The following NLRC5 variants were observed in gnomAD, a reference collection of about 807,000 sequenced individuals.
NLRC5 encodes protein NLRC5.
In NLRC5, 114 loss-of-function variants were observed where a neutral mutation model predicts 206.9. The ratio of observed to expected loss-of-function variants is 0.55; its 90% CI spans 0.47 to 0.64. NLRC5 has a LOEUF of 0.64. Ranked by LOEUF, NLRC5 falls within the 30% of genes least tolerant of loss-of-function variation. The pLI is 0.00. For synonymous variants in NLRC5, 952 were observed against 962.8 expected (o/e 0.99, Z 0.21); for missense variants, 2,008 against 2,305.5 (o/e 0.87, Z 2.64).
chr16:57,010,609 G>A (rs780147398), intron 1 of NLRC5, among the ~76,000 whole-genome samples: 2 of 152,202 alleles, frequency 1.3e-5, no homozygotes, highest in Non-Finnish European at 2.9e-5. Context: ...CTGAGCTCAA[G>A]CTATCCTCCC....
At chr16:57,032,833 C>CA (rs35838664) in intron 11 of NLRC5, among the ~76,000 whole-genome samples, 64,443 of 119,052 alleles carry the variant, frequency 0.54, 16,153 homozygotes, top group Admixed American at 0.64. Context: ...CCCATCTCTA[C>CA]AAAAAAAAAA....
chr16:57,013,723 A>G, intron 1 of NLRC5: 1 of 740,170 alleles, frequency 1.4e-6, no homozygotes, highest in Non-Finnish European at 2.5e-6. Flanking sequence ...GTTGTGCCTG[A>G]TAAAAGTCAA....
intron 30 of NLRC5, among the ~76,000 whole-genome samples, chr16:57,060,435 A>G (rs2066299719): frequency 6.6e-6 from 1 of 151,450 alleles, no homozygotes; most frequent in South Asian, 2.1e-4. Flanking sequence ...ACCACACAGC[A>G]CGCAGCACAC....
At position 57,029,804 on chromosome 16, in the gene NLRC5, G is replaced by A. The variant is rs1597246785; in HGVS notation, c.2275G>A (p.Val759Met). The A allele has an allele frequency of 1.9e-6, 3 of 1,614,190 alleles. No homozygotes were observed. Among genetic ancestry groups the A allele is most frequent in the Non-Finnish European group, 2.5e-6 (3 of 1,180,034 alleles). Residue 759 changes from valine to methionine, a missense_variant, in exon 9 of 49, where the codon GTG becomes ATG. Val to Met is a conservative substitution (Grantham distance 21). Transcript: ENST00000688547. ...GGACAACCAGCTCAGTGACCAGGTG[G>A]TGCTGAACATTGTGGAGGTTCTCCC... is the stretch of plus-strand genomic sequence containing the variant. ...FRDNQLSDQV[V>M]LNIVEVLPHL...
chr16:57,055,636 C>G, intron 27 of NLRC5, 117 bp downstream of exon 27: 1 of 780,112 alleles, frequency 1.3e-6, no homozygotes, highest in Non-Finnish European at 2.2e-6. Context: ...CTACACCTCT[C>G]AGGACCAGCT....
rs4784750 is a variant in NLRC5, at chr16:57,022,152, G to A, written c.296-104G>A. On this transcript the variant is annotated intron_variant, in intron 3 of 48. Transcript: ENST00000688547. Reference sequence around the variant, plus strand: ...GTTCCATTTAGTTCTCCCTTGCTGGGTATCTCCCTGTGAGATGAGCCCTGA... The same window carrying A: ...GTTCCATTTAGTTCTCCCTTGCTGGATATCTCCCTGTGAGATGAGCCCTGA... The A allele has an allele frequency of 3.7e-5, 31 of 838,758 alleles. No homozygotes were observed. In the East Asian group the frequency reaches 4.6e-4, roughly 13 times the overall value. 52.0% of individuals were successfully genotyped at this position (838,758 alleles called of 1,614,324 possible). A position where few individuals can be genotyped will look rare whatever the true frequency, so the allele number is the denominator to read the frequency against.
rs370396132 is a variant in NLRC5 at position 57,026,098 on chromosome 16, G to A, written c.1155G>A (p.Ser385=). 78 of 1,614,122 alleles carry A rather than the reference G, an allele frequency of 4.8e-5. No individual in the cohort carries two copies. In the East Asian group the frequency reaches 9.6e-4, roughly 20 times the overall value. ...YVNHFFSAQP[S]REGALVELQT... is the part of the protein sequence containing the mutation. Reference sequence around the variant, plus strand: ...ATCACTTCTTCAGCGCCCAGCCATCGCGGGAGGGGGCCCTGGTGGAGTTAC... The same window carrying A: ...ATCACTTCTTCAGCGCCCAGCCATCACGGGAGGGGGCCCTGGTGGAGTTAC... Residue 385 remains serine, a synonymous_variant, in exon 6 of 49, where the codon TCG becomes TCA. Transcript: ENST00000688547.
At chr16:57,056,596 G>A (rs961584737) in intron 27 of NLRC5, among the ~76,000 whole-genome samples, 3 of 151,936 alleles carry the variant, frequency 2.0e-5, no homozygotes, top group Admixed American at 2.0e-4. Context: ...ATTTTAAACA[G>A]ATATGAATAA....
chr16:57,041,349 T>C, intron 17 of NLRC5, 136 bp from the exon 18 acceptor site: 1 of 659,940 alleles, frequency 1.5e-6, no homozygotes, highest in Non-Finnish European at 2.7e-6. Context: ...TCCGTCTGTC[T>C]AGGTGCCAGA....
Position 57,041,859 on chromosome 16 carries a change from G to T in NLRC5, c.3030-123G>T, listed in dbSNP as rs2063324504. On this transcript the variant is annotated intron_variant, in intron 18 of 48. Transcript: ENST00000688547. ...GCCCGTGCCAGATCTGCTGAGATCT[G>T]GCCTGGCAGCCCAGGGCTGTGTCCA... The T allele has an allele frequency of 4.3e-6, 3 of 701,196 alleles. No homozygotes were observed. The African/African-American group carries it at 5.4e-5, about 13-fold the overall frequency. 43.4% of individuals were successfully genotyped at this position (701,196 alleles called of 1,614,324 possible). A position where few individuals can be genotyped will look rare whatever the true frequency, so the allele number is the denominator to read the frequency against.
intron 4 of NLRC5, 28 bp downstream of exon 4, chr16:57,022,343 G>A: frequency 6.3e-7 from 1 of 1,596,330 alleles, no homozygotes; most frequent in Admixed American, 1.7e-5. Context: ...GGGGTGGGAA[G>A]GGGGTGGTGA....
intron 18 of NLRC5, 130 bp from the exon 19 acceptor site, chr16:57,041,852 G>A: frequency 1.5e-6 from 1 of 681,548 alleles, no homozygotes; most frequent in Non-Finnish European, 2.5e-6. Flanking sequence ...CAGATCTGCT[G>A]AGATCTGGCC....
At chr16:57,053,996 G>T (rs1416481367) in intron 24 of NLRC5, among the ~76,000 whole-genome samples, 1 of 152,142 alleles carries the variant, frequency 6.6e-6, no homozygotes, top group Non-Finnish European at 1.5e-5. Flanking sequence ...TGGATCTTGA[G>T]AGTGGAATTT....
chr16:57,041,977 C>A lies in NLRC5; in HGVS notation c.3030-5C>A. ...TGTTCTCCCCTCCCTTCTCCCCACC[C>A]CCAGCTTCTCAGGCAATGCTCTGGG... On this transcript the variant is annotated splice_polypyrimidine_tract_variant and splice_region_variant and intron_variant, in intron 18 of 48. Coordinates refer to ENST00000688547, the MANE Select transcript of NLRC5 (RefSeq NM_001384950.1). 3 of 1,565,168 alleles carry A rather than the reference C, an allele frequency of 1.9e-6. No homozygotes were observed. The highest frequency in any genetic ancestry group is 2.4e-5 in the South Asian group (2 of 83,510).
intron 39 of NLRC5, among the ~76,000 whole-genome samples, chr16:57,076,276 C>T (rs1290625828): frequency 6.6e-6 from 1 of 152,190 alleles, no homozygotes; most frequent in Non-Finnish European, 1.5e-5. Flanking sequence ...AAATACTTCC[C>T]AAGGGGCTAA....
intron 16 of NLRC5, 100 bp downstream of exon 16, chr16:57,039,949 C>T (rs2143568686): frequency 9.7e-7 from 1 of 1,033,346 alleles, no homozygotes; most frequent in Non-Finnish European, 1.5e-6. Flanking sequence ...GCCAGGGTGA[C>T]CTGGACAAAT....
chr16:57,001,902 A>G (rs191269688), intron 1 of NLRC5, among the ~76,000 whole-genome samples: 2 of 150,124 alleles, frequency 1.3e-5, no homozygotes, highest in Admixed American at 1.3e-4. Context: ...CTGGCCTCCT[A>G]CTATACTTCC....
intron 28 of NLRC5, 65 bp from the exon 29 acceptor site, chr16:57,058,907 G>A: frequency 1.5e-6 from 2 of 1,320,408 alleles, no homozygotes; most frequent in Non-Finnish European, 2.2e-6. Context: ...GAGATGGAGG[G>A]GGCTGGGCAG....
At chr16:57,005,972 T>C (rs1207029354) in intron 1 of NLRC5, among the ~76,000 whole-genome samples, 1 of 151,726 alleles carries the variant, frequency 6.6e-6, no homozygotes, top group Non-Finnish European at 1.5e-5. Flanking sequence ...CCTTTATGAA[T>C]TTCTTCCAGA....
Sources: allele counts gnomAD v4.1 joint callset (sites outside exome capture counted in the v4.1 genomes callset), GRCh38; gene constraint gnomAD v4.1.1; transcripts MANE v1.5; gene names NCBI Gene and HGNC (gene_info 2026-07-23, HGNC 2026-07-21).